Variants in OSBPL10 observed in about 807,000 individuals in gnomAD.
The protein encoded by OSBPL10 is oxysterol binding protein like 10.
A neutral mutation model predicts 81.7 loss-of-function variants in OSBPL10; 49 were observed. The ratio of observed to expected loss-of-function variants is 0.60; its 90% CI spans 0.48 to 0.76. The LOEUF is 0.76. OSBPL10 is among the 30% of genes least tolerant of loss of function. The pLI, the probability that OSBPL10 is intolerant of heterozygous loss-of-function variation, is 0.00. For missense variants in OSBPL10, 923 were observed against 987.8 expected, an observed-to-expected ratio of 0.93 and a Z score of 0.88; for synonymous variants, 419 against 383.6, an observed-to-expected ratio of 1.09 and a Z score of -1.08.
At chr3:31,862,882 G>C in intron 3 of OSBPL10, among the ~76,000 whole-genome samples, 1 of 152,106 alleles carries the variant, frequency 6.6e-6, no homozygotes, top group East Asian at 1.9e-4. Context: ...GCTAAACATA[G>C]AATTACCATA....
chr3:31,683,784 G>T lies in OSBPL10; in HGVS notation c.1576C>A (p.Leu526Ile). 6.2e-7 allele frequency: 1 copy of T among 1,614,214 alleles called. No individual in the cohort carries two copies. The change falls in exon 8 of 12, where the codon CTA becomes ATA. Residue 526 changes from leucine to isoleucine, a missense_variant. Physicochemically the swap from Leu to Ile is conservative, Grantham distance 5 (BLOSUM62 2). This residue lies in a region of OSBPL10 where 387 missense variants were observed against 436.3 expected (regional missense o/e 0.89). Transcript: ENST00000396556. ...GACACTTGCTCAGCCACAAACCTTAGTTTGTAGCTTTTGGAAGGGTCATCG... is the reference window on the plus strand; with the variant it reads ...GACACTTGCTCAGCCACAAACCTTATTTTGTAGCTTTTGGAAGGGTCATCG... Reference protein sequence around the residue: ...MADDPSKSYKLRFVAEQVSHH... With the variant: ...MADDPSKSYKIRFVAEQVSHH...
rs1426750649 is a variant in OSBPL10 at position 31,812,726 on chromosome 3, GAA to G, written c.729+17312_729+17313del. Reference sequence around the variant, plus strand: ...TACACAGTAGGCAAAAAAAAAGAAAGAAAGAAAGAAAGAAAGAAAGAAAGAAA... The same window carrying G: ...TACACAGTAGGCAAAAAAAAAGAAAGAGAAAGAAAGAAAGAAAGAAAGAAA... On this transcript the variant is annotated intron_variant, in intron 4 of 11. Transcript: ENST00000396556. Among the ~76,000 whole-genome samples the G allele has an allele frequency of 8.8e-4, 15 of 16,984 alleles. No individual in the cohort carries two copies. In the East Asian group the frequency reaches 0.022, roughly 25 times the overall value. 11.1% of individuals were successfully genotyped at this position (16,984 alleles called of 152,430 possible).
intron 1 of OSBPL10, among the ~76,000 whole-genome samples, chr3:31,927,174 C>T (rs1281167536): frequency 6.6e-6 from 1 of 151,966 alleles, no homozygotes; most frequent in East Asian, 1.9e-4. Context: ...GGACCCTTCC[C>T]AAGTCACTGA....
chr3:31,694,137 A>C (rs1695639123), intron 7 of OSBPL10, among the ~76,000 whole-genome samples: 1 of 152,122 alleles, frequency 6.6e-6, no homozygotes, highest in Non-Finnish European at 1.5e-5. Flanking sequence ...TTGGGAGGCC[A>C]AGGCAGGCAG....
chr3:31,726,484 T>C (rs993652268), intron 6 of OSBPL10, among the ~76,000 whole-genome samples: 115 of 151,748 alleles, frequency 7.6e-4, no homozygotes, highest in African/African-American at 2.5e-3. Flanking sequence ...GCCCAGCTAA[T>C]TTTTGTATTT....
At chr3:31,718,032 A>G (rs1696508414) in intron 6 of OSBPL10, 1 of 152,196 alleles carries the variant, frequency 6.6e-6, no homozygotes. Context: ...TTAAGATACA[A>G]CTGTGCTCAG....
In OSBPL10 at chr3:31,748,078, C is replaced by T. The variant is rs746505976; in HGVS notation, c.772G>A (p.Ala258Thr). The stretch of plus-strand genomic sequence containing the variant: ...CCGGACCCTGGCAGGGACTCAATGG[C>T]GTGCACAAGGTTCTTCTGCTGCCCT... Reference protein sequence around the residue: ...VEGQQKNLVHAIESLPGSGPL... With the variant: ...VEGQQKNLVHTIESLPGSGPL... The change falls in exon 5 of 12, where the codon GCC (alanine) becomes ACC (threonine). Residue 258 changes from alanine to threonine, a missense_variant. Ala to Thr is a moderately conservative substitution (Grantham distance 58). Around this residue, in one of 3 missense-constraint regions of OSBPL10, gnomAD observed 514 missense variants for 508.0 expected, o/e 1.01. Coordinates refer to ENST00000396556, the MANE Select transcript of OSBPL10 (RefSeq NM_017784.5). 1.5e-5 allele frequency: 25 copies of T among 1,614,080 alleles called. No individual in the cohort carries two copies. The highest frequency in any genetic ancestry group is 2.0e-5 in the Non-Finnish European group (24 of 1,180,002).
intron 3 of OSBPL10, among the ~76,000 whole-genome samples, chr3:31,854,840 TCTAA>T (rs1559492997): frequency 6.6e-6 from 1 of 152,184 alleles, no homozygotes. Context: ...CTTAAATACC[TCTAA>T]CTGCTTCAGT....
intron 8 of OSBPL10, among the ~76,000 whole-genome samples, chr3:31,677,682 G>T (rs1700515124): frequency 6.6e-6 from 1 of 152,154 alleles, no homozygotes. Context: ...AGTGAATCAA[G>T]GGCTCCAGCC....
At chr3:31,904,316 GGAGAA>G (rs763061572) in intron 1 of OSBPL10, among the ~76,000 whole-genome samples, 85 of 152,264 alleles carry the variant, frequency 5.6e-4, no homozygotes, top group Non-Finnish European at 8.7e-4. Context: ...TCAGGGCTGA[GGAGAA>G]GAGACTGCAG....
chr3:31,857,783 T>TA (rs1700950252), intron 3 of OSBPL10, among the ~76,000 whole-genome samples: 1 of 756 alleles, frequency 1.3e-3, no homozygotes, highest in African/African-American at 4.2e-3. Context: ...GGCAGGGGGG[T>TA]GGGGGGGAGA....
intron 3 of OSBPL10, among the ~76,000 whole-genome samples, chr3:31,868,919 T>C (rs1245286358): frequency 2.0e-5 from 3 of 152,244 alleles, no homozygotes; most frequent in Admixed American, 6.5e-5. Flanking sequence ...CATTCTTTGA[T>C]GTGGTCACTT....
intron 4 of OSBPL10, among the ~76,000 whole-genome samples, chr3:31,823,339 G>T (rs1700024858): frequency 6.6e-6 from 1 of 152,200 alleles, no homozygotes; most frequent in Non-Finnish European, 1.5e-5. Context: ...GCTGAAAGAT[G>T]CAAAGATGAA....
intron 2 of OSBPL10, among the ~76,000 whole-genome samples, chr3:32,031,211 T>G (rs911050220): frequency 6.6e-6 from 1 of 151,576 alleles, no homozygotes; most frequent in African/African-American, 2.4e-5. Flanking sequence ...TGAGGAGAAC[T>G]TAAGTGACAA....
At chr3:31,979,811 C>T (rs1324048106) in intron 1 of OSBPL10, among the ~76,000 whole-genome samples, 1 of 151,978 alleles carries the variant, frequency 6.6e-6, no homozygotes, top group African/African-American at 2.4e-5. Flanking sequence ...CCAAGTGCCT[C>T]CTGAGCCCCT....
At chr3:31,962,884 C>T (rs936732359) in intron 1 of OSBPL10, among the ~76,000 whole-genome samples, 1 of 152,178 alleles carries the variant, frequency 6.6e-6, no homozygotes, top group Non-Finnish European at 1.5e-5. Flanking sequence ...GGCACTGTGC[C>T]AGAACTTAGG....
At chr3:31,934,769 GA>G (rs1284959561) in intron 1 of OSBPL10, among the ~76,000 whole-genome samples, 5 of 151,758 alleles carry the variant, frequency 3.3e-5, no homozygotes, top group Non-Finnish European at 5.9e-5. Flanking sequence ...TAGTTTAAAG[GA>G]AAAAAAATTG....
intron 5 of OSBPL10, among the ~76,000 whole-genome samples, chr3:31,734,296 C>G (rs1697079943): frequency 6.6e-6 from 1 of 152,174 alleles, no homozygotes; most frequent in Non-Finnish European, 1.5e-5. Context: ...AATCCTCCAC[C>G]AACTCCCTTC....
At chr3:31,671,330 T>C (rs530946744) in intron 8 of OSBPL10, among the ~76,000 whole-genome samples, 1 of 152,266 alleles carries the variant, frequency 6.6e-6, no homozygotes, top group African/African-American at 2.4e-5. Context: ...AAGGGAAGGT[T>C]TCCTTAAGAA....
Sources: gnomAD v4.1 joint callset for allele counts (sites outside exome capture counted in the v4.1 genomes callset) on GRCh38, gnomAD v4.1.1 for gene constraint, gnomAD v4.1.1 regional missense constraint, MANE v1.5 for transcripts, NCBI Gene and HGNC (gene_info 2026-07-23, HGNC 2026-07-21) for gene names.